The following CDH19 variants were observed in gnomAD, a reference collection of about 807,000 sequenced individuals.
The protein encoded by CDH19 is cadherin-19.
CDH19 carries 67 observed loss-of-function variants against 64.2 expected under a neutral mutation model. The ratio of observed to expected loss-of-function variants is 1.04; its 90% confidence interval spans 0.86 to 1.28. The LOEUF is 1.28. Among genes scored for constraint, CDH19 ranks in the 50% most tolerant of loss-of-function variants. The probability of loss-of-function intolerance (pLI) is 0.00; values close to 1 mark genes in which losing one functional copy is unlikely to be tolerated. For synonymous variants in CDH19, 346 were observed against 319.3 expected (o/e 1.08, Z -0.89); for missense variants, 1,030 against 929.0 (o/e 1.11, Z -1.41).
intron 7 of CDH19, 31 bp downstream of exon 7, chr18:66,543,940 T>A (rs1986996199): frequency 6.7e-7 from 1 of 1,498,328 alleles, no homozygotes; most frequent in African/African-American, 1.4e-5. Context: ...TTTACTTATT[T>A]ATTAATGCAA....
At chr18:66,525,820 T>C (rs551816506) in intron 9 of CDH19, among the ~76,000 whole-genome samples, 47 of 152,196 alleles carry the variant, frequency 3.1e-4, no homozygotes, top group South Asian at 6.2e-4. Context: ...TTCTTTCAGA[T>C]GCTTATAGGA....
At chr18:66,564,425 T>C (rs188109329) in intron 3 of CDH19, among the ~76,000 whole-genome samples, 7 of 151,904 alleles carry the variant, frequency 4.6e-5, no homozygotes, top group Admixed American at 3.3e-4. Context: ...TTATTGCAAG[T>C]GGAAGGAATG....
Position 66,551,079 on chromosome 18 carries a change from A to T in CDH19, c.775+15T>A. ...ATTTATAATGTAATGAAGATGTAGAATCCTTTTTACTTACTTTCTTTAAAT... is the reference window on the plus strand; with the variant it reads ...ATTTATAATGTAATGAAGATGTAGATTCCTTTTTACTTACTTTCTTTAAAT... On this transcript the variant is annotated intron_variant, in intron 5 of 11. Transcript: ENST00000262150. The T allele has an allele frequency of 7.2e-7, 1 of 1,390,680 alleles. No individual in the cohort carries two copies. Among genetic ancestry groups the T allele is most frequent in the Non-Finnish European group, 1.0e-6 (1 of 986,490 alleles). The allele number at this position is 1,390,680 out of a possible 1,614,324, so 86.1% of individuals were successfully genotyped here. A position where few individuals can be genotyped will look rare whatever the true frequency, so the allele number is the denominator to read the frequency against.
At chr18:66,552,049 A>G (rs534489387) in intron 4 of CDH19, among the ~76,000 whole-genome samples, 1 of 152,066 alleles carries the variant, frequency 6.6e-6, no homozygotes, top group African/African-American at 2.4e-5. Flanking sequence ...GACACTCAGG[A>G]CTACTAGAGA....
intron 3 of CDH19, 134 bp from the exon 4 acceptor site, chr18:66,554,658 T>C: frequency 3.4e-6 from 2 of 596,760 alleles, no homozygotes; most frequent in Non-Finnish European, 5.4e-6. Flanking sequence ...TTGTTCTTAA[T>C]TGTAAAAGTA....
chr18:66,549,265 A>C (rs1987252686), intron 5 of CDH19, among the ~76,000 whole-genome samples: 1 of 152,178 alleles, frequency 6.6e-6, no homozygotes, highest in Admixed American at 6.5e-5. Context: ...TGAGAAAGGT[A>C]GTAGAAGCTT....
chr18:66,578,481 C>T (rs530867), intron 1 of CDH19, among the ~76,000 whole-genome samples: 128,456 of 151,800 alleles, frequency 0.85, 54,759 homozygotes, highest in African/African-American at 0.94. Context: ...TTATCAAGTA[C>T]TGAAGAGAAC....
chr18:66,602,003 A>T (rs1989048565), intron 1 of CDH19, among the ~76,000 whole-genome samples: 2 of 151,920 alleles, frequency 1.3e-5, no homozygotes, highest in South Asian at 2.1e-4. Context: ...TTGTGTTTCA[A>T]CTTCAATCTG....
In CDH19 at chr18:66,568,659, C is replaced by T; in HGVS notation, c.247G>A (p.Gly83Arg). The change falls in exon 3 of 12, where the codon GGA becomes AGA. Residue 83 changes from glycine (G) to arginine (R), a missense_variant. Physicochemically the swap from Gly to Arg is moderately radical, Grantham distance 125. Coordinates refer to ENST00000262150, the MANE Select transcript of CDH19 (RefSeq NM_021153.4). ...GNNSFQYKLL[G>R]AGAGSTFIID... ...ATAAAAGTACTTCCAGCTCCAGCTC[C>T]CAAAAGCTTGTACTGGAAAGAATTG... 1 of 1,611,064 alleles carries T rather than the reference C, an allele frequency of 6.2e-7. No homozygotes were observed. The highest frequency in any genetic ancestry group is 1.7e-5 in the Admixed American group (1 of 59,698).
At chr18:66,582,357 A>G (rs1988447879) in intron 1 of CDH19, among the ~76,000 whole-genome samples, 1 of 152,006 alleles carries the variant, frequency 6.6e-6, no homozygotes, top group Non-Finnish European at 1.5e-5. Flanking sequence ...ATCTCTTAAA[A>G]AATCAAGGGA....
At chr18:66,578,352 G>A (rs1306554277) in intron 1 of CDH19, among the ~76,000 whole-genome samples, 2 of 151,890 alleles carry the variant, frequency 1.3e-5, no homozygotes, top group African/African-American at 2.4e-5. Flanking sequence ...GAGTTGACAT[G>A]TAAAATAAGT....
At chr18:66,534,221 T>C (rs985393552) in intron 8 of CDH19, among the ~76,000 whole-genome samples, 1 of 152,050 alleles carries the variant, frequency 6.6e-6, no homozygotes, top group African/African-American at 2.4e-5. Context: ...TTTATTCCAT[T>C]GTAACATTTG....
At chr18:66,508,878 G>A in intron 11 of CDH19, 117 bp downstream of exon 11, 2 of 1,089,780 alleles carry the variant, frequency 1.8e-6, no homozygotes, top group Non-Finnish European at 2.6e-6. Context: ...TGCTATAATA[G>A]AATTAACTAT....
At chr18:66,576,883 G>C (rs567907515) in intron 1 of CDH19, among the ~76,000 whole-genome samples, 154 of 151,602 alleles carry the variant, frequency 1.0e-3, no homozygotes, top group African/African-American at 2.7e-3. Flanking sequence ...AGGATACACG[G>C]TCAATATTAA....
intron 1 of CDH19, among the ~76,000 whole-genome samples, chr18:66,599,505 T>C (rs768642889): frequency 1.3e-5 from 2 of 152,090 alleles, no homozygotes; most frequent in Non-Finnish European, 1.5e-5. Context: ...ATACAGTTAA[T>C]AGTAGAGTAT....
intron 1 of CDH19, among the ~76,000 whole-genome samples, chr18:66,602,801 C>T (rs1045534443): frequency 4.0e-5 from 6 of 151,618 alleles, no homozygotes; most frequent in Admixed American, 2.0e-4. Context: ...TAATGAAATG[C>T]TTATTCCTTT....
chr18:66,581,756 G>T (rs900389420), intron 1 of CDH19, among the ~76,000 whole-genome samples: 1 of 152,120 alleles, frequency 6.6e-6, no homozygotes, highest in African/African-American at 2.4e-5. Context: ...CGGATTGAGC[G>T]ACTACTGGCT....
intron 1 of CDH19, among the ~76,000 whole-genome samples, chr18:66,579,515 T>A (rs1177018450): frequency 6.6e-6 from 1 of 151,974 alleles, no homozygotes; most frequent in Non-Finnish European, 1.5e-5. Flanking sequence ...TGAGTCTGCA[T>A]TTTATCACAC....
intron 9 of CDH19, among the ~76,000 whole-genome samples, chr18:66,524,794 G>C (rs1000394273): frequency 1.3e-5 from 2 of 151,804 alleles, no homozygotes; most frequent in African/African-American, 4.8e-5. Context: ...TCTCTAAATT[G>C]TGTGTCCTTC....
Sources: gnomAD v4.1 joint callset for allele counts (sites outside exome capture counted in the v4.1 genomes callset) on GRCh38, gnomAD v4.1.1 for gene constraint, MANE v1.5 for transcripts, NCBI Gene and HGNC (gene_info 2026-07-23, HGNC 2026-07-21) for gene names.